Variants in BTBD7 observed in about 807,000 individuals in gnomAD.
The protein encoded by BTBD7 is BTB/POZ domain-containing protein 7.
Under a neutral mutation model 99.9 loss-of-function variants are expected in BTBD7, and 38 were observed. The observed-to-expected ratio is 0.38, with a 90% CI of 0.29 to 0.50. The LOEUF (loss-of-function observed/expected upper bound fraction) is 0.50. BTBD7 is among the 20% of genes least tolerant of loss of function. The pLI, the probability that BTBD7 is intolerant of heterozygous loss-of-function variation, is 0.93. For synonymous variants in BTBD7, 520 were observed against 511.4 expected (o/e 1.02, Z -0.23); for missense variants, 1,170 against 1,394.6 (o/e 0.84, Z 2.57).
At chr14:93,293,724 A>G in intron 3 of BTBD7, 134 bp downstream of exon 3, 2 of 1,120,546 alleles carry the variant, frequency 1.8e-6, no homozygotes, top group Middle Eastern at 2.9e-4. Context: ...CTCAGATGTC[A>G]TAACTGAAGG....
chr14:93,254,351 T>C (rs2052405392), intron 6 of BTBD7, among the ~76,000 whole-genome samples: 1 of 152,248 alleles, frequency 6.6e-6, no homozygotes, highest in South Asian at 2.1e-4. Context: ...TTAATTAAAA[T>C]GTAGTTAAGT....
intron 1 of BTBD7, among the ~76,000 whole-genome samples, chr14:93,319,914 AAGAAAG>A (rs1397886786): frequency 1.3e-5 from 2 of 152,232 alleles, no homozygotes; most frequent in Admixed American, 6.5e-5. Context: ...AACAGAGAAC[AAGAAAG>A]AAAGGGGCAA....
In BTBD7 at chr14:93,297,275, C is replaced by A. The variant is rs374813428; in HGVS notation, c.-106-1118G>T. On this transcript the variant is annotated intron_variant, in intron 1 of 10. Coordinates refer to ENST00000334746, the MANE Select transcript of BTBD7 (RefSeq NM_001002860.4). ...CTTATGAATTCATGTTTAAAAATAT[C>A]GTTAACATTTGTGTTTTCCTACAAT... Among the ~76,000 whole-genome samples, 3 of 152,160 alleles carry A rather than the reference C, an allele frequency of 2.0e-5. No individual in the cohort carries two copies. In the South Asian group the frequency reaches 6.2e-4, roughly 32 times the overall value.
Position 93,278,217 on chromosome 14 carries a change from A to G in BTBD7, c.1163-14224T>C, listed in dbSNP as rs558152681. Among the ~76,000 whole-genome samples, 3 of 151,868 alleles carry G rather than the reference A, an allele frequency of 2.0e-5. No individual in the cohort carries two copies. The South Asian group carries it at 6.2e-4, about 32-fold the overall frequency. On this transcript the variant is annotated intron_variant, in intron 3 of 10. Coordinates refer to ENST00000334746, the MANE Select transcript of BTBD7 (RefSeq NM_001002860.4). Reference sequence around the variant, plus strand: ...CACTTGAGGTCAGGAGTTCGAGACCAGCCTGGCCAACATGGTGAAATCCCA... The same window carrying G: ...CACTTGAGGTCAGGAGTTCGAGACCGGCCTGGCCAACATGGTGAAATCCCA...
intron 3 of BTBD7, among the ~76,000 whole-genome samples, chr14:93,268,117 C>A (rs925187399): frequency 6.6e-6 from 1 of 152,158 alleles, no homozygotes; most frequent in African/African-American, 2.4e-5. Context: ...CAGAAGTCCA[C>A]CAATCGCTTG....
chr14:93,321,409 A>G (rs950732633), intron 1 of BTBD7, among the ~76,000 whole-genome samples: 1 of 152,174 alleles, frequency 6.6e-6, no homozygotes, highest in African/African-American at 2.4e-5. Flanking sequence ...CCTGGCCAAC[A>G]TGGTGAAACC....
rs377109750 is a variant in BTBD7 at position 93,257,298 on chromosome 14, C to G, written c.1505G>C (p.Arg502Pro). The G allele has an allele frequency of 6.2e-7, 1 of 1,613,890 alleles. No individual in the cohort carries two copies. The highest frequency in any genetic ancestry group is 1.7e-5 in the Admixed American group (1 of 59,984). ...HSVNKRGVKR[R>P]DLDMEELREI... ...TCTGAGCTCTTCCATGTCCAGGTCC[C>G]GTCTTTTTACACCTCTTTTGTTCAC... is the stretch of plus-strand genomic sequence containing the variant. The change falls in exon 6 of 11, where the codon CGG becomes CCG. Residue 502 changes from arginine (R) to proline (P), a missense_variant. Arg to Pro is a moderately radical substitution (Grantham distance 103). Around this residue, in one of 4 missense-constraint regions of BTBD7, gnomAD observed 309 missense variants for 342.0 expected, o/e 0.90. Transcript: ENST00000334746.
intron 1 of BTBD7, among the ~76,000 whole-genome samples, chr14:93,316,254 C>CTTTTT (rs71129627): frequency 0.025 from 3,623 of 146,618 alleles, 157 homozygotes; most frequent in African/African-American, 0.081. Context: ...CATGCCCAGT[C>CTTTTT]TTTTTTTTTT....
intron 3 of BTBD7, among the ~76,000 whole-genome samples, chr14:93,286,758 ATTCATC>A (rs2052783061): frequency 1.3e-5 from 2 of 152,186 alleles, no homozygotes; most frequent in Admixed American, 6.5e-5. Context: ...GCCTCACCAC[ATTCATC>A]GGCTGACAGG....
chr14:93,313,678 CT>C (rs2053164766), intron 1 of BTBD7, among the ~76,000 whole-genome samples: 2 of 96,632 alleles, frequency 2.1e-5, no homozygotes, highest in African/African-American at 8.3e-5. Flanking sequence ...TAAAATGAAA[CT>C]ACACACACAC....
In BTBD7 at chr14:93,300,703, T is replaced by TG. The variant is rs1232848181; in HGVS notation, c.-106-4547_-106-4546insC. 1.7e-4 allele frequency among the ~76,000 whole-genome samples: 22 copies of TG among 127,762 alleles called. 1 individual carries two copies. The highest frequency in any genetic ancestry group is 7.0e-4 in the East Asian group (3 of 4,292). The allele number at this position is 127,762 out of a possible 152,430, so 83.8% of individuals were successfully genotyped here. ...GGCGTGTGCCATCATGCCCAGCTAA[T>TG]TTGTGTGTGTGTGTGTGTGTGTGTG... On this transcript the variant is annotated intron_variant, in intron 1 of 10. Coordinates refer to ENST00000334746, the MANE Select transcript of BTBD7 (RefSeq NM_001002860.4).
At position 93,296,011 on chromosome 14, in the gene BTBD7, G is replaced by A. The variant is rs556016040; in HGVS notation, c.41C>T (p.Pro14Leu). The A allele has an allele frequency of 1.3e-5, 21 of 1,613,882 alleles. No homozygotes were observed. The highest frequency in any genetic ancestry group is 2.2e-5 in the South Asian group (2 of 91,066). Residue 14 changes from proline (P) to leucine (L), a missense_variant, in exon 2 of 11, where the codon CCG (proline) becomes CTG (leucine). Pro to Leu is a moderately conservative substitution (Grantham distance 98). Around this residue, in one of 4 missense-constraint regions of BTBD7, gnomAD observed 359 missense variants for 497.9 expected, o/e 0.72. Transcript: ENST00000334746. Reference sequence around the variant, plus strand: ...GGCCTGTGAATTTCCCCCTACCCTCGGGGAACATGAATGAGGATAATTAGA... The same window carrying A: ...GGCCTGTGAATTTCCCCCTACCCTCAGGGAACATGAATGAGGATAATTAGA... ...NASNYPHSCS[P>L]RVGGNSQAQQ...
intron 3 of BTBD7, among the ~76,000 whole-genome samples, chr14:93,264,488 C>T (rs2052521425): frequency 6.6e-6 from 1 of 152,108 alleles, no homozygotes; most frequent in Non-Finnish European, 1.5e-5. Context: ...TTTAATCCTT[C>T]AGAAAATAGA....
chr14:93,242,115 T>G lies in BTBD7; in HGVS notation c.*158A>C. On this transcript the variant is annotated 3_prime_UTR_variant, in exon 11 of 11. Coordinates refer to ENST00000334746, the MANE Select transcript of BTBD7 (RefSeq NM_001002860.4). ...AAAAAAAAACAAAACCTTCTTAGCATGCCATGTCTAATAAACACATATATA... is the reference window on the plus strand; with the variant it reads ...AAAAAAAAACAAAACCTTCTTAGCAGGCCATGTCTAATAAACACATATATA... The G allele has an allele frequency of 1.6e-6, 1 of 611,392 alleles. No individual in the cohort carries two copies. Among genetic ancestry groups the G allele is most frequent in the Non-Finnish European group, 2.8e-6 (1 of 362,778 alleles). The allele number at this position is 611,392 out of a possible 1,614,324, so 37.9% of individuals were successfully genotyped here.
chr14:93,292,495 C>T (rs901122293), intron 3 of BTBD7, among the ~76,000 whole-genome samples: 6 of 151,948 alleles, frequency 3.9e-5, no homozygotes, highest in Non-Finnish European at 5.9e-5. Context: ...GTTTTAATGA[C>T]ATTTTGGTTG....
chr14:93,307,685 A>G (rs1026245228), intron 1 of BTBD7, among the ~76,000 whole-genome samples: 1 of 152,322 alleles, frequency 6.6e-6, no homozygotes, highest in Middle Eastern at 3.4e-3. Context: ...CTCTTGGAGA[A>G]GACTTCCCTA....
chr14:93,263,470 G>A (rs998179789), intron 4 of BTBD7, among the ~76,000 whole-genome samples: 2 of 152,226 alleles, frequency 1.3e-5, no homozygotes, highest in Admixed American at 6.5e-5. Flanking sequence ...CCACTATAGA[G>A]AAGCTACATT....
Position 93,250,961 on chromosome 14 carries a change from A to C in BTBD7, c.1942+502T>G, listed in dbSNP as rs182532133. Reference sequence around the variant, plus strand: ...TTTGACCCTCCCAAAGGGTCTTGTAACCTGAGAAATACCCTATAGTGATAA... The same window carrying C: ...TTTGACCCTCCCAAAGGGTCTTGTACCCTGAGAAATACCCTATAGTGATAA... On this transcript the variant is annotated intron_variant, in intron 8 of 10. Transcript: ENST00000334746. Among the ~76,000 whole-genome samples, 8 of 152,206 alleles carry C rather than the reference A, an allele frequency of 5.3e-5. No homozygotes were observed. The East Asian group carries it at 1.5e-3, about 29-fold the overall frequency.
At chr14:93,270,633 T>G (rs1464962950) in intron 3 of BTBD7, among the ~76,000 whole-genome samples, 1 of 150,934 alleles carries the variant, frequency 6.6e-6, no homozygotes, top group Non-Finnish European at 1.5e-5. Context: ...AGGCAGAGGT[T>G]GCAGTGAGCC....
Sources: allele counts gnomAD v4.1 joint callset (sites outside exome capture counted in the v4.1 genomes callset), GRCh38; gene constraint gnomAD v4.1.1; regional missense constraint gnomAD v4.1.1; transcripts MANE v1.5; gene names NCBI Gene and HGNC (gene_info 2026-07-23, HGNC 2026-07-21).